Variants in GALNTL6 observed in about 807,000 individuals in gnomAD.
The protein encoded by GALNTL6 is polypeptide N-acetylgalactosaminyltransferase-like 6.
Under a neutral mutation model 73.7 loss-of-function variants are expected in GALNTL6, and 46 were observed. The ratio of observed to expected loss-of-function variants is 0.62; its 90% confidence interval spans 0.49 to 0.80. The LOEUF (loss-of-function observed/expected upper bound fraction) is 0.80, where lower values mean the gene tolerates loss of function less well. Ranked by LOEUF, GALNTL6 falls within the 30% of genes least tolerant of loss-of-function variation. The pLI is 0.00. For missense variants in GALNTL6, 604 were observed against 755.0 expected, an observed-to-expected ratio of 0.80 and a Z score of 2.34; for synonymous variants, 259 against 263.7, an observed-to-expected ratio of 0.98 and a Z score of 0.17.
chr4:172,317,739 G>A (rs777667157), intron 4 of GALNTL6, among the ~76,000 whole-genome samples: 4 of 152,004 alleles, frequency 2.6e-5, no homozygotes, highest in Non-Finnish European at 5.9e-5. Context: ...GAGTTTAACC[G>A]TCCAAAAATT....
chr4:172,838,350 T>C (rs1743022536), intron 7 of GALNTL6, among the ~76,000 whole-genome samples: 1 of 152,164 alleles, frequency 6.6e-6, no homozygotes, highest in African/African-American at 2.4e-5. Flanking sequence ...GCAGGAAGTG[T>C]CCGGTGGGCG....
intron 3 of GALNTL6, among the ~76,000 whole-genome samples, chr4:172,301,547 G>T (rs978318498): frequency 6.6e-6 from 1 of 152,110 alleles, no homozygotes; most frequent in Non-Finnish European, 1.5e-5. Context: ...TGGGGTTTTG[G>T]TGTGGATGTC....
intron 12 of GALNTL6, among the ~76,000 whole-genome samples, chr4:173,031,677 C>G (rs1034148828): frequency 2.6e-5 from 4 of 151,864 alleles, no homozygotes; most frequent in Non-Finnish European, 5.9e-5. Context: ...CTGCTTGATG[C>G]CTAGATACAC....
intron 2 of GALNTL6, among the ~76,000 whole-genome samples, chr4:171,988,307 G>C (rs192494752): frequency 6.6e-6 from 1 of 152,172 alleles, no homozygotes; most frequent in African/African-American, 2.4e-5. Flanking sequence ...GGGAGAGCAC[G>C]TGTGTTTTTA....
At chr4:172,713,054 C>T (rs919097071) in intron 5 of GALNTL6, among the ~76,000 whole-genome samples, 5 of 152,070 alleles carry the variant, frequency 3.3e-5, no homozygotes, top group African/African-American at 1.2e-4. Flanking sequence ...ACACAGTGCT[C>T]CCTATCTTTA....
intron 2 of GALNTL6, among the ~76,000 whole-genome samples, chr4:171,851,899 G>A (rs1033284177): frequency 6.6e-6 from 1 of 152,202 alleles, no homozygotes; most frequent in Admixed American, 6.5e-5. Context: ...ATAAACTCTT[G>A]TTGACTGTTC....
intron 2 of GALNTL6, among the ~76,000 whole-genome samples, chr4:172,166,767 A>G (rs1473234206): frequency 2.0e-5 from 3 of 152,184 alleles, no homozygotes; most frequent in African/African-American, 2.4e-5. Flanking sequence ...TATTTCAAAC[A>G]TGTTCACATT....
At chr4:172,940,867 C>T (rs1418949397) in intron 9 of GALNTL6, among the ~76,000 whole-genome samples, 1 of 151,954 alleles carries the variant, frequency 6.6e-6, no homozygotes, top group Non-Finnish European at 1.5e-5. Flanking sequence ...GAGACGGGGT[C>T]TCACTATGTT....
chr4:171,988,812 AG>A lies in GALNTL6; in HGVS notation c.138+174096del, dbSNP rs561205218. Among the ~76,000 whole-genome samples, 1,248 of 152,028 alleles carry A rather than the reference AG, an allele frequency of 8.2e-3. 9 individuals carry two copies. The highest frequency in any genetic ancestry group is 0.021 in the Middle Eastern group (6 of 290). ...CGGGTAAGAGTGATTAAGTTTTAAT[AG>A]GATGGTAAGGGGGGCATGATCGGTC... On this transcript the variant is annotated intron_variant, in intron 2 of 12. Transcript: ENST00000506823.
intron 2 of GALNTL6, among the ~76,000 whole-genome samples, chr4:172,170,137 C>T (rs754510219): frequency 6.6e-6 from 1 of 152,192 alleles, no homozygotes; most frequent in African/African-American, 2.4e-5. Context: ...TCTAGTTACT[C>T]TGTCTTCCTG....
intron 2 of GALNTL6, among the ~76,000 whole-genome samples, chr4:171,822,034 A>G (rs1321914286): frequency 6.6e-6 from 1 of 152,168 alleles, no homozygotes; most frequent in Non-Finnish European, 1.5e-5. Flanking sequence ...ATTTCTTTGT[A>G]GTGACTACTG....
At chr4:172,057,701 CA>C (rs57041409) in intron 2 of GALNTL6, among the ~76,000 whole-genome samples, 9 of 63,122 alleles carry the variant, frequency 1.4e-4, no homozygotes, top group African/African-American at 4.2e-4. Context: ...GACCCTGTCT[CA>C]AAAAAAAAAA....
chr4:172,763,327 T>A (rs1738226768), intron 5 of GALNTL6, among the ~76,000 whole-genome samples: 1 of 152,240 alleles, frequency 6.6e-6, no homozygotes. Context: ...CCTGGCATTT[T>A]CTTTCATTAA....
intron 4 of GALNTL6, among the ~76,000 whole-genome samples, chr4:172,341,446 G>A (rs1022998452): frequency 6.4e-4 from 35 of 55,058 alleles, no homozygotes; most frequent in Non-Finnish European, 8.6e-4. Flanking sequence ...GCGAGACTCC[G>A]TCTCAAAAAA....
chr4:171,989,727 G>C (rs978594297), intron 2 of GALNTL6, among the ~76,000 whole-genome samples: 1 of 152,258 alleles, frequency 6.6e-6, no homozygotes, highest in Non-Finnish European at 1.5e-5. Flanking sequence ...AATTTTTGCA[G>C]TTTTATTTAA....
At chr4:172,213,900 G>C (rs13122326) in intron 2 of GALNTL6, among the ~76,000 whole-genome samples, 1 of 152,050 alleles carries the variant, frequency 6.6e-6, no homozygotes, top group African/African-American at 2.4e-5. Flanking sequence ...CTAAGATTTC[G>C]TGTAGGGGTT....
intron 2 of GALNTL6, among the ~76,000 whole-genome samples, chr4:171,955,040 T>A (rs2111037251): frequency 6.6e-6 from 1 of 152,266 alleles, no homozygotes; most frequent in East Asian, 1.9e-4. Context: ...TTTACAGCAG[T>A]GTGAGAATGA....
At chr4:172,576,103 C>T (rs1472904748) in intron 5 of GALNTL6, among the ~76,000 whole-genome samples, 1 of 152,018 alleles carries the variant, frequency 6.6e-6, no homozygotes, top group Non-Finnish European at 1.5e-5. Flanking sequence ...TTTAAAGCTG[C>T]CTCTAATTAT....
At chr4:171,906,575 A>G (rs576177876) in intron 2 of GALNTL6, among the ~76,000 whole-genome samples, 110 of 152,336 alleles carry the variant, frequency 7.2e-4, no homozygotes, top group African/African-American at 2.6e-3. Context: ...ACAAGGAGGA[A>G]CTGGTGCCAT....
Sources: allele counts gnomAD v4.1 joint callset (sites outside exome capture counted in the v4.1 genomes callset), GRCh38; gene constraint gnomAD v4.1.1; transcripts MANE v1.5; gene names NCBI Gene and HGNC (gene_info 2026-07-23, HGNC 2026-07-21).